Variants in SLC25A13 observed in about 807,000 individuals in gnomAD.
SLC25A13 encodes the protein solute carrier family 25 member 13, also known as electrogenic aspartate/glutamate antiporter SLC25A13, mitochondrial.
Under a neutral mutation model 85.5 loss-of-function variants are expected in SLC25A13, and 70 were observed. The observed-to-expected ratio is 0.82, with a 90% confidence interval of 0.68 to 1.00. The LOEUF is 1.00. Ranked by LOEUF, SLC25A13 falls within the 50% of genes least tolerant of loss-of-function variation. The pLI, the probability that SLC25A13 is intolerant of heterozygous loss-of-function variation, is 0.00. For missense variants in SLC25A13, 765 were observed against 819.8 expected (o/e 0.93, Z 0.82); for synonymous variants, 259 against 288.7 (o/e 0.90, Z 1.04).
intron 2 of SLC25A13, among the ~76,000 whole-genome samples, chr7:96,293,673 G>A (rs1254382224): frequency 3.3e-5 from 5 of 152,196 alleles, no homozygotes; most frequent in Non-Finnish European, 7.3e-5. Context: ...AAAGACACAT[G>A]AGAAAATGCT....
chr7:96,196,739 T>G (rs1374041271), intron 5 of SLC25A13, among the ~76,000 whole-genome samples: 1 of 152,204 alleles, frequency 6.6e-6, no homozygotes, highest in Non-Finnish European at 1.5e-5. Context: ...GTTCTCTAAA[T>G]AGCAGGACAG....
At chr7:96,252,897 C>A (rs988841285) in intron 3 of SLC25A13, among the ~76,000 whole-genome samples, 1 of 152,028 alleles carries the variant, frequency 6.6e-6, no homozygotes, top group African/African-American at 2.4e-5. Flanking sequence ...AGTTTGAGAC[C>A]AGCCTGGACA....
intron 4 of SLC25A13, among the ~76,000 whole-genome samples, chr7:96,216,745 G>A (rs868793377): frequency 2.0e-5 from 3 of 152,162 alleles, no homozygotes; most frequent in Admixed American, 1.3e-4. Flanking sequence ...GGGCCTACCA[G>A]AGGGTAAAGG....
chr7:96,276,990 A>G (rs1798476289), intron 3 of SLC25A13, among the ~76,000 whole-genome samples: 3 of 152,184 alleles, frequency 2.0e-5, no homozygotes, highest in African/African-American at 4.8e-5. Flanking sequence ...AAAAGAGTCA[A>G]ATATATACAT....
At chr7:96,204,777 C>G (rs1278261607) in intron 5 of SLC25A13, among the ~76,000 whole-genome samples, 1 of 152,132 alleles carries the variant, frequency 6.6e-6, no homozygotes, top group Non-Finnish European at 1.5e-5. Context: ...AGTCTCTGCA[C>G]CTTTCAAACC....
intron 3 of SLC25A13, among the ~76,000 whole-genome samples, chr7:96,265,182 A>C (rs1798002448): frequency 6.6e-6 from 1 of 152,210 alleles, no homozygotes; most frequent in Admixed American, 6.5e-5. Flanking sequence ...CTTAAAATTC[A>C]TGGGTCTATG....
intron 2 of SLC25A13, among the ~76,000 whole-genome samples, chr7:96,279,588 C>T (rs1163582498): frequency 6.6e-6 from 1 of 152,064 alleles, no homozygotes; most frequent in Non-Finnish European, 1.5e-5. Flanking sequence ...TGAGGGAAAC[C>T]ACCCCCATGA....
At chr7:96,292,078 AC>A (rs1187670166) in intron 2 of SLC25A13, among the ~76,000 whole-genome samples, 1 of 152,200 alleles carries the variant, frequency 6.6e-6, no homozygotes, top group Admixed American at 6.5e-5. Context: ...ATGCTTATCC[AC>A]CATGATAAAG....
At position 96,146,599 on chromosome 7, in the gene SLC25A13, GC is replaced by G; in HGVS notation, c.1408del (p.Ala470LeufsTer38). On this transcript the variant is annotated frameshift_variant, in exon 14 of 18. Coordinates refer to ENST00000265631, the MANE Select transcript of SLC25A13 (RefSeq NM_014251.3). LOFTEE classifies it high-confidence loss of function. ...GEITTGPRVS[A>X]LSVVRDLGFF... The stretch of plus-strand genomic sequence containing the variant: ...CCCCAGGTCCCGCACGACAGACAGA[GC>G]ACTGACTCGAGGACCAGTGGTGATT... 6.2e-7 allele frequency: 1 copy of G among 1,613,754 alleles called. No individual in the cohort carries two copies. Among genetic ancestry groups the G allele is most frequent in the Non-Finnish European group, 8.5e-7 (1 of 1,179,980 alleles).
chr7:96,222,831 A>G (rs1186957065), intron 4 of SLC25A13, among the ~76,000 whole-genome samples: 4 of 152,234 alleles, frequency 2.6e-5, no homozygotes, highest in Non-Finnish European at 4.4e-5. Context: ...CTTGTATTAT[A>G]TATAGGTTGT....
At chr7:96,135,042 A>G (rs77701854) in intron 14 of SLC25A13, among the ~76,000 whole-genome samples, 1,889 of 152,152 alleles carry the variant, frequency 0.012, 34 homozygotes, top group African/African-American at 0.043. Context: ...TGTCACCCCT[A>G]GCCATGTGAT....
intron 3 of SLC25A13, among the ~76,000 whole-genome samples, chr7:96,244,164 C>A (rs1197203215): frequency 6.6e-6 from 1 of 152,074 alleles, no homozygotes; most frequent in Non-Finnish European, 1.5e-5. Flanking sequence ...GAAGTCACAG[C>A]AAGCAGTTTT....
intron 13 of SLC25A13, chr7:96,166,882 A>C (rs1793771897): frequency 6.6e-6 from 1 of 152,142 alleles, no homozygotes; most frequent in Admixed American, 6.5e-5. Flanking sequence ...AAGAAGGGAA[A>C]AGATGGAAAA....
At chr7:96,187,876 C>A (rs1794696991) in intron 9 of SLC25A13, among the ~76,000 whole-genome samples, 1 of 152,192 alleles carries the variant, frequency 6.6e-6, no homozygotes, top group Non-Finnish European at 1.5e-5. Context: ...AGTAAAAAGC[C>A]TATTCCAGGT....
chr7:96,259,223 A>T (rs933820033), intron 3 of SLC25A13, among the ~76,000 whole-genome samples: 8 of 152,248 alleles, frequency 5.3e-5, no homozygotes, highest in African/African-American at 1.7e-4. Context: ...GGATCTAATT[A>T]AACTAAAGAG....
intron 3 of SLC25A13, among the ~76,000 whole-genome samples, chr7:96,244,959 T>C (rs1358435755): frequency 6.7e-6 from 1 of 149,826 alleles, no homozygotes; most frequent in Non-Finnish European, 1.5e-5. Context: ...GGCAAAAGTA[T>C]ATATATATAT....
intron 13 of SLC25A13, among the ~76,000 whole-genome samples, chr7:96,147,834 G>A (rs1792866846): frequency 6.6e-6 from 1 of 151,856 alleles, no homozygotes; most frequent in Non-Finnish European, 1.5e-5. Context: ...TAAAATACTG[G>A]TACACATTTC....
At chr7:96,241,482 C>T (rs1796996389) in intron 3 of SLC25A13, among the ~76,000 whole-genome samples, 1 of 152,078 alleles carries the variant, frequency 6.6e-6, no homozygotes, top group Non-Finnish European at 1.5e-5. Context: ...GTGTTATAAA[C>T]AAATCCATGG....
At chr7:96,232,792 T>A (rs1030175699) in intron 4 of SLC25A13, among the ~76,000 whole-genome samples, 3 of 152,196 alleles carry the variant, frequency 2.0e-5, no homozygotes, top group Non-Finnish European at 2.9e-5. Flanking sequence ...GTAAAGTAGT[T>A]ATTACCCCGA....
Sources: allele counts gnomAD v4.1 joint callset (sites outside exome capture counted in the v4.1 genomes callset), GRCh38; gene constraint gnomAD v4.1.1; transcripts MANE v1.5; gene names NCBI Gene and HGNC (gene_info 2026-07-23, HGNC 2026-07-21).